The following CDC42BPA variants were observed in gnomAD, a reference collection of about 807,000 sequenced individuals.
CDC42BPA encodes CDC42 binding protein kinase alpha, also known as serine/threonine-protein kinase MRCK alpha.
Under a neutral mutation model 223.5 loss-of-function variants are expected in CDC42BPA, and 80 were observed. The ratio of observed to expected loss-of-function variants is 0.36; its 90% confidence interval spans 0.30 to 0.43. The LOEUF is 0.43. CDC42BPA is among the 20% of genes least tolerant of loss of function. The probability of loss-of-function intolerance (pLI) is 1.00; values close to 1 mark genes in which losing one functional copy is unlikely to be tolerated. For missense variants in CDC42BPA, 1,743 were observed against 2,099.9 expected (o/e 0.83, Z 3.32); for synonymous variants, 694 against 718.6 (o/e 0.97, Z 0.55).
At chr1:227,250,944 C>G (rs1681893349) in intron 2 of CDC42BPA, among the ~76,000 whole-genome samples, 1 of 151,616 alleles carries the variant, frequency 6.6e-6, no homozygotes, top group Non-Finnish European at 1.5e-5. Flanking sequence ...TCTTAGCTAC[C>G]CAGGATGCTG....
intron 1 of CDC42BPA, among the ~76,000 whole-genome samples, chr1:227,312,372 G>A (rs68043093): frequency 0.31 from 46,798 of 152,022 alleles, 7,390 homozygotes; most frequent in East Asian, 0.37. Flanking sequence ...TGAGCTTACT[G>A]TGTAATAGTA....
intron 3 of CDC42BPA, among the ~76,000 whole-genome samples, chr1:227,209,692 T>C (rs1012509545): frequency 6.7e-6 from 1 of 148,478 alleles, no homozygotes; most frequent in Non-Finnish European, 1.5e-5. Flanking sequence ...CAGCCTTGCA[T>C]CCCAGGGATG....
At chr1:227,089,651 T>TAAAAAC (rs1682716791) in intron 16 of CDC42BPA, among the ~76,000 whole-genome samples, 2 of 118,858 alleles carry the variant, frequency 1.7e-5, no homozygotes, top group Non-Finnish European at 3.5e-5. Context: ...TTTTTTTTTT[T>TAAAAAC]AAAAACAAAC....
intron 34 of CDC42BPA, chr1:227,010,735 A>C (rs1665012270): frequency 9.3e-5 from 9 of 96,506 alleles, no homozygotes; most frequent in South Asian, 8.1e-4. Flanking sequence ...GAAGAGGAAG[A>C]GGAGAAGTTT....
rs1202085475 is a variant in CDC42BPA at position 227,029,185 on chromosome 1, C to T, written c.3904G>A (p.Val1302Ile). Residue 1302 changes from valine to isoleucine, a missense_variant, in exon 30 of 37, where the codon GTT (valine) becomes ATT (isoleucine). By Grantham distance (29) the Val-to-Ile change is conservative. This residue lies in a region of CDC42BPA where 678 missense variants were observed against 777.5 expected (regional missense o/e 0.87). Coordinates refer to ENST00000366766, the MANE Select transcript of CDC42BPA (RefSeq NM_001394014.1). ...QIELIPNDQL[V>I]AVISGRNRHV... ...CGATTTCGTCCTGAGATCACAGCAA[C>T]AAGCTGATCATTTGGAATGAGTTCA... The T allele has an allele frequency of 1.2e-6, 2 of 1,601,618 alleles. No individual in the cohort carries two copies. The highest frequency in any genetic ancestry group is 1.1e-5 in the South Asian group (1 of 91,068).
At chr1:227,218,849 T>A (rs1331550820) in intron 2 of CDC42BPA, among the ~76,000 whole-genome samples, 1 of 152,218 alleles carries the variant, frequency 6.6e-6, no homozygotes, top group Admixed American at 6.5e-5. Flanking sequence ...GGGAGGGAAC[T>A]AAATATTATC....
At chr1:227,301,771 C>T (rs1033700026) in intron 1 of CDC42BPA, among the ~76,000 whole-genome samples, 27 of 152,048 alleles carry the variant, frequency 1.8e-4, no homozygotes, top group African/African-American at 5.3e-4. Flanking sequence ...AAAAACATTA[C>T]GCCCCGTACC....
intron 2 of CDC42BPA, among the ~76,000 whole-genome samples, chr1:227,253,010 A>T (rs1299378689): frequency 1.3e-5 from 2 of 152,230 alleles, no homozygotes; most frequent in Non-Finnish European, 2.9e-5. Flanking sequence ...GAGGTCTTCT[A>T]TACTGAATGA....
Position 227,051,964 on chromosome 1 carries a change from A to T in CDC42BPA, c.2926T>A (p.Tyr976Asn), listed in dbSNP as rs779950297. The T allele has an allele frequency of 5.1e-6, 7 of 1,366,288 alleles. No individual in the cohort carries two copies. Among genetic ancestry groups the T allele is most frequent in the Non-Finnish European group, 6.9e-6 (7 of 1,021,608 alleles). The allele number at this position is 1,366,288 out of a possible 1,614,324, so 84.6% of individuals were successfully genotyped here. A position where few individuals can be genotyped will look rare whatever the true frequency, so the allele number is the denominator to read the frequency against. ...AACTTGACGCTCGGGTTCCATACAT[A>T]TGTGTTCTCAACGGGATCAGTCTAG... ...QFETDPVENT[Y>N]VWNPSVKFHI... The change falls in exon 22 of 37, where the codon TAT becomes AAT. Residue 976 changes from tyrosine (Y) to asparagine (N), a missense_variant. Around this residue, in one of 6 missense-constraint regions of CDC42BPA, gnomAD observed 678 missense variants for 777.5 expected, o/e 0.87. Transcript: ENST00000366766.
intron 24 of CDC42BPA, among the ~76,000 whole-genome samples, chr1:227,038,247 G>T (rs183929759): frequency 1.3e-5 from 2 of 152,152 alleles, no homozygotes; most frequent in Non-Finnish European, 2.9e-5. Flanking sequence ...CATGTAAGAC[G>T]TGACTTTGCT....
Position 227,304,996 on chromosome 1 carries a change from C to T in CDC42BPA, c.178+12009G>A, listed in dbSNP as rs375521039. 3.3e-5 allele frequency among the ~76,000 whole-genome samples: 5 copies of T among 152,230 alleles called. No individual in the cohort carries two copies. In the South Asian group the frequency reaches 1.0e-3, roughly 32 times the overall value. On this transcript the variant is annotated intron_variant, in intron 1 of 36. Coordinates refer to ENST00000366766, the MANE Select transcript of CDC42BPA (RefSeq NM_001394014.1). ...ATAAATATAAAATTGCACACACACA[C>T]ATACATACATAATAAGTGGCCATTC...
At chr1:227,197,410 TAG>T (rs1412017014) in intron 4 of CDC42BPA, among the ~76,000 whole-genome samples, 1 of 152,176 alleles carries the variant, frequency 6.6e-6, no homozygotes, top group Non-Finnish European at 1.5e-5. Context: ...ATTTGACTAC[TAG>T]AGTGTTTCAT....
chr1:227,137,539 C>A (rs1296199885), intron 10 of CDC42BPA, among the ~76,000 whole-genome samples: 1 of 151,858 alleles, frequency 6.6e-6, no homozygotes, highest in Non-Finnish European at 1.5e-5. Context: ...GTACATAGGA[C>A]CACCAAAATA....
At chr1:227,132,677 G>A (rs1240298823) in intron 10 of CDC42BPA, among the ~76,000 whole-genome samples, 1 of 150,808 alleles carries the variant, frequency 6.6e-6, no homozygotes, top group Non-Finnish European at 1.5e-5. Flanking sequence ...ATCCCATCTA[G>A]GAAGTGAGGA....
intron 2 of CDC42BPA, among the ~76,000 whole-genome samples, chr1:227,252,253 C>A (rs1186967672): frequency 2.6e-5 from 4 of 151,830 alleles, no homozygotes; most frequent in East Asian, 3.9e-4. Context: ...AACTGATAAA[C>A]CCCTAGCAAG....
At chr1:227,145,312 G>A (rs1399518096) in intron 8 of CDC42BPA, among the ~76,000 whole-genome samples, 177 bp downstream of exon 8, 1 of 152,128 alleles carries the variant, frequency 6.6e-6, no homozygotes, top group Non-Finnish European at 1.5e-5. Flanking sequence ...GTTCACCTCA[G>A]TTAACTTTCT....
chr1:227,128,578 GA>G (rs1244299759), intron 11 of CDC42BPA, among the ~76,000 whole-genome samples: 1 of 152,018 alleles, frequency 6.6e-6, no homozygotes, highest in East Asian at 1.9e-4. Flanking sequence ...TATATTTATT[GA>G]AAAAATGCAA....
At chr1:227,079,692 G>C (rs1356209769) in intron 17 of CDC42BPA, among the ~76,000 whole-genome samples, 1 of 151,898 alleles carries the variant, frequency 6.6e-6, no homozygotes, top group African/African-American at 2.4e-5. Context: ...GCACTGAATA[G>C]AAACATTATA....
chr1:227,246,408 T>C lies in CDC42BPA; in HGVS notation c.270+7656A>G, dbSNP rs1361282790. On this transcript the variant is annotated intron_variant, in intron 2 of 36. Coordinates refer to ENST00000366766, the MANE Select transcript of CDC42BPA (RefSeq NM_001394014.1). ...ACTCACCACCCTGAAGGGAAGGGCC[T>C]TGGGCAAGGCCCAGTGCTGTGCTGG... 3.9e-5 allele frequency among the ~76,000 whole-genome samples: 6 copies of C among 152,282 alleles called. No individual in the cohort carries two copies. In the South Asian group the frequency reaches 6.2e-4, roughly 16 times the overall value.
Sources: gnomAD v4.1 joint callset for allele counts (sites outside exome capture counted in the v4.1 genomes callset) on GRCh38, gnomAD v4.1.1 for gene constraint, gnomAD v4.1.1 regional missense constraint, MANE v1.5 for transcripts, NCBI Gene and HGNC (gene_info 2026-07-23, HGNC 2026-07-21) for gene names.